The following IL1R1 variants were observed in gnomAD, a reference collection of about 807,000 sequenced individuals.
IL1R1 encodes the protein interleukin 1 receptor type 1.
A neutral mutation model predicts 50.2 loss-of-function variants in IL1R1; 22 were observed. The observed-to-expected ratio is 0.44, with a 90% CI of 0.31 to 0.63. IL1R1 has a LOEUF of 0.63. Ranked by LOEUF, IL1R1 falls within the 20% of genes least tolerant of loss-of-function variation. IL1R1 has a pLI of 0.07. For missense variants in IL1R1, 509 were observed against 676.2 expected, an observed-to-expected ratio of 0.75 and a Z score of 2.74; for synonymous variants, 251 against 236.7, an observed-to-expected ratio of 1.06 and a Z score of -0.55.
intron 6 of IL1R1, among the ~76,000 whole-genome samples, chr2:102,168,281 G>A (rs1411808934): frequency 1.3e-5 from 2 of 152,058 alleles, no homozygotes; most frequent in Non-Finnish European, 2.9e-5. Flanking sequence ...CACTACTCTC[G>A]CCTTTGCTGA....
chr2:102,080,971 T>A (rs945426586), intron 1 of IL1R1, among the ~76,000 whole-genome samples: 2 of 152,176 alleles, frequency 1.3e-5, no homozygotes, highest in Non-Finnish European at 2.9e-5. Context: ...AGCCCACACA[T>A]TGTATAATTC....
At chr2:102,131,956 A>G (rs1577918687) in intron 1 of IL1R1, among the ~76,000 whole-genome samples, 1 of 152,148 alleles carries the variant, frequency 6.6e-6, no homozygotes, top group South Asian at 2.1e-4. Flanking sequence ...GGGAAAAAAT[A>G]CGCCTACCAA....
At chr2:102,133,107 G>T (rs1436581833) in intron 1 of IL1R1, among the ~76,000 whole-genome samples, 1 of 152,042 alleles carries the variant, frequency 6.6e-6, no homozygotes, top group African/African-American at 2.4e-5. Flanking sequence ...AGCTGGACAT[G>T]GTGGCGGGCA....
At chr2:102,110,211 C>T (rs554198414) in intron 1 of IL1R1, among the ~76,000 whole-genome samples, 3 of 152,154 alleles carry the variant, frequency 2.0e-5, no homozygotes, top group Non-Finnish European at 4.4e-5. Context: ...ATACCTTGAT[C>T]CATAGCTGTA....
rs183015782 is a variant in IL1R1, at chr2:102,145,638, G to A, written c.-84+2618G>A. Among the ~76,000 whole-genome samples the A allele has an allele frequency of 1.1e-3, 171 of 152,304 alleles. 1 individual carries two copies. Among genetic ancestry groups the A allele is most frequent in the African/African-American group, 3.8e-3 (158 of 41,560 alleles). ...AGGAAAACAAGAGCGGAGATGAAGT[G>A]GAGTCTGAAATGAGGCTTGACATGT... On this transcript the variant is annotated intron_variant, in intron 1 of 11. Transcript: ENST00000410023.
upstream of IL1R1, chr2:102,141,957 G>GGCC (rs1319756272): frequency 6.6e-6 from 1 of 152,158 alleles, no homozygotes; most frequent in Non-Finnish European, 1.5e-5. Context: ...GCATGACCTT[G>GGCC]GCCATCCTTC....
chr2:102,139,955 A>C (rs1682552417), upstream of IL1R1, among the ~76,000 whole-genome samples: 1 of 152,174 alleles, frequency 6.6e-6, no homozygotes, highest in South Asian at 2.1e-4. Flanking sequence ...GGTGCTGAAG[A>C]GTGGAAGCTC....
At chr2:102,174,194 T>C (rs1264791663) in intron 9 of IL1R1, among the ~76,000 whole-genome samples, 2 of 152,196 alleles carry the variant, frequency 1.3e-5, no homozygotes, top group African/African-American at 4.8e-5. Flanking sequence ...GAAACTTCCC[T>C]AAGCCTCCAC....
rs192581608 is a variant in IL1R1, at chr2:102,146,975, T to C, written c.-84+3955T>C. Among the ~76,000 whole-genome samples the C allele has an allele frequency of 2.0e-5, 3 of 152,264 alleles. No individual in the cohort carries two copies. In the East Asian group the frequency reaches 5.8e-4, roughly 29 times the overall value. ...CCCTGCATTGCTGGGTAGTGAGTGA[T>C]TAAAGTGCCATTGCAGGCGTGGGTG... On this transcript the variant is annotated intron_variant, in intron 1 of 11. Transcript: ENST00000410023.
chr2:102,146,900 C>T (rs1022601548), intron 1 of IL1R1, among the ~76,000 whole-genome samples: 12 of 152,144 alleles, frequency 7.9e-5, no homozygotes, highest in East Asian at 1.9e-4. Flanking sequence ...CCACAGGTTC[C>T]GAAATGCTCC....
intron 7 of IL1R1, among the ~76,000 whole-genome samples, chr2:102,169,429 T>C (rs145460827): frequency 7.5e-4 from 115 of 152,366 alleles, no homozygotes; most frequent in African/African-American, 2.6e-3. Context: ...ATTAGCCATA[T>C]TTCAAGGGCT....
chr2:102,174,296 C>T (rs1212529052), intron 9 of IL1R1, among the ~76,000 whole-genome samples: 1 of 152,116 alleles, frequency 6.6e-6, no homozygotes, highest in African/African-American at 2.4e-5. Flanking sequence ...TTAACTTTTC[C>T]CTGTTTTACT....
chr2:102,173,020 C>T (rs1685823574), intron 9 of IL1R1, among the ~76,000 whole-genome samples, 182 bp downstream of exon 9: 1 of 152,184 alleles, frequency 6.6e-6, no homozygotes, highest in African/African-American at 2.4e-5. Flanking sequence ...TTCTGTCCTG[C>T]TGCCTGCCCT....
At chr2:102,174,410 C>T (rs577238987) in intron 9 of IL1R1, among the ~76,000 whole-genome samples, 177 bp from the exon 10 acceptor site, 2 of 152,226 alleles carry the variant, frequency 1.3e-5, no homozygotes, top group African/African-American at 4.8e-5. Flanking sequence ...TTTATCATTG[C>T]TTTGTACATT....
intron 1 of IL1R1, among the ~76,000 whole-genome samples, chr2:102,124,369 G>A (rs531942267): frequency 1.3e-5 from 2 of 152,056 alleles, no homozygotes; most frequent in African/African-American, 4.8e-5. Flanking sequence ...GCAGTGAGCT[G>A]AGATTGCGCC....
At chr2:102,105,091 A>G (rs140742499) in intron 1 of IL1R1, among the ~76,000 whole-genome samples, 1 of 152,226 alleles carries the variant, frequency 6.6e-6, no homozygotes, top group Non-Finnish European at 1.5e-5. Context: ...GAGTCATATT[A>G]GGAGAACGAC....
upstream of IL1R1, chr2:102,142,586 C>A (rs1440405147): frequency 1.3e-5 from 2 of 151,828 alleles, no homozygotes; most frequent in Non-Finnish European, 2.9e-5. Context: ...CGGGGCAGGG[C>A]GGTGTCCGCA....
At chr2:102,107,389 A>C (rs988080972) in intron 1 of IL1R1, among the ~76,000 whole-genome samples, 1 of 151,972 alleles carries the variant, frequency 6.6e-6, no homozygotes, top group South Asian at 2.1e-4. Flanking sequence ...AACTATCACA[A>C]GGACAGAAAA....
In IL1R1 at chr2:102,176,787, G is replaced by A; in HGVS notation, c.*28G>A. On this transcript the variant is annotated 3_prime_UTR_variant, in exon 12 of 12. Transcript: ENST00000410023. Reference sequence around the variant, plus strand: ...TGGAGAAGTTGCCAAGAGTTCTTTAGGTGCCTCCTGTCTTATGGCGTTGCA... The same window carrying A: ...TGGAGAAGTTGCCAAGAGTTCTTTAAGTGCCTCCTGTCTTATGGCGTTGCA... 6.2e-7 allele frequency: 1 copy of A among 1,606,062 alleles called. No individual in the cohort carries two copies. The highest frequency in any genetic ancestry group is 8.5e-7 in the Non-Finnish European group (1 of 1,174,580).
Sources: gnomAD v4.1 joint callset for allele counts (sites outside exome capture counted in the v4.1 genomes callset) on GRCh38, gnomAD v4.1.1 for gene constraint, MANE v1.5 for transcripts, NCBI Gene and HGNC (gene_info 2026-07-23, HGNC 2026-07-21) for gene names.